Variants in GAS7 observed in about 807,000 individuals in gnomAD.
GAS7 encodes the protein growth arrest-specific protein 7.
Under a neutral mutation model 71.1 loss-of-function variants are expected in GAS7, and 28 were observed. That is an observed-to-expected ratio of 0.39 (90% CI 0.29 to 0.54). The LOEUF (loss-of-function observed/expected upper bound fraction) is 0.54. Ranked by LOEUF, GAS7 falls within the 20% of genes least tolerant of loss-of-function variation. The pLI, the probability that GAS7 is intolerant of heterozygous loss-of-function variation, is 0.62. For missense variants in GAS7, 436 were observed against 627.8 expected (o/e 0.69, Z 3.27); for synonymous variants, 258 against 245.8 (o/e 1.05, Z -0.46).
At chr17:10,053,562 A>T (rs2073092597) in intron 1 of GAS7, among the ~76,000 whole-genome samples, 1 of 152,264 alleles carries the variant, frequency 6.6e-6, no homozygotes, top group South Asian at 2.1e-4. Flanking sequence ...ATGGGAAGGG[A>T]GCCCAGGAAC....
At chr17:10,090,573 C>T (rs2073571563) in intron 1 of GAS7, among the ~76,000 whole-genome samples, 1 of 147,558 alleles carries the variant, frequency 6.8e-6, no homozygotes, top group South Asian at 2.1e-4. Flanking sequence ...CAAACTCCAT[C>T]ATGCTAGCCC....
chr17:10,017,016 A>T (rs1247529383), intron 2 of GAS7, among the ~76,000 whole-genome samples: 1 of 150,946 alleles, frequency 6.6e-6, no homozygotes, highest in African/African-American at 2.4e-5. Flanking sequence ...CTGCAATCCC[A>T]GCTACTCAGG....
At chr17:10,131,459 C>T (rs1381386566) in intron 1 of GAS7, among the ~76,000 whole-genome samples, 2 of 152,136 alleles carry the variant, frequency 1.3e-5, no homozygotes, top group Non-Finnish European at 2.9e-5. Context: ...CCTGTCTCTA[C>T]CAAAAATACA....
chr17:10,079,763 C>T (rs559247970), intron 1 of GAS7, among the ~76,000 whole-genome samples: 3 of 152,318 alleles, frequency 2.0e-5, no homozygotes, highest in South Asian at 2.1e-4. Context: ...GACTGTGACA[C>T]GGTCATGGTC....
At chr17:9,931,556 G>A (rs573320710) in intron 9 of GAS7, among the ~76,000 whole-genome samples, 4 of 152,324 alleles carry the variant, frequency 2.6e-5, no homozygotes, top group East Asian at 1.9e-4. Flanking sequence ...TGGGGGCCCC[G>A]ACAGGGGAAG....
At chr17:10,051,761 G>A (rs962985952) in intron 1 of GAS7, among the ~76,000 whole-genome samples, 3 of 152,102 alleles carry the variant, frequency 2.0e-5, no homozygotes, top group African/African-American at 7.2e-5. Context: ...CATGGGCAAG[G>A]GCACTCCAAG....
At chr17:10,119,341 G>A (rs2073887486) in intron 1 of GAS7, among the ~76,000 whole-genome samples, 1 of 152,216 alleles carries the variant, frequency 6.6e-6, no homozygotes, top group African/African-American at 2.4e-5. Context: ...CCTTCATTAA[G>A]TAGTTACTGA....
At chr17:9,982,861 G>GAAAGAAAGAAAGAAAGC (rs1555611388) in intron 2 of GAS7, among the ~76,000 whole-genome samples, 9 of 143,984 alleles carry the variant, frequency 6.3e-5, no homozygotes, top group South Asian at 4.5e-4. Flanking sequence ...AAGAAAGAAA[G>GAAAGAAAGAAAGAAAGC]AAAGAAAGCA....
chr17:10,039,448 G>A (rs923110188), intron 1 of GAS7, among the ~76,000 whole-genome samples: 2 of 152,068 alleles, frequency 1.3e-5, no homozygotes, highest in African/African-American at 2.4e-5. Context: ...TTGGAAGGCT[G>A]AGGTAGGTGG....
At position 9,926,032 on chromosome 17, in the gene GAS7, G is replaced by A. The variant is rs1376937500; in HGVS notation, c.1015-433C>T. Among the ~76,000 whole-genome samples the A allele has an allele frequency of 6.6e-6, 1 of 151,878 alleles. No individual in the cohort carries two copies. Among genetic ancestry groups the A allele is most frequent in the Non-Finnish European group, 1.5e-5 (1 of 67,988 alleles). ...CCTCGGCCCTCTTGTTCCCCTCACT[G>A]TACTGCCTTTCCTCCAGGCCACCAC... On this transcript the variant is annotated intron_variant, in intron 10 of 13. Transcript: ENST00000432992. The surrounding 1 kb of genome is among the most constrained non-coding windows in gnomAD (Gnocchi z 5.0).
chr17:10,059,917 G>A, intron 1 of GAS7: 4 of 568,352 alleles, frequency 7.0e-6, no homozygotes, highest in Non-Finnish European at 8.9e-6. Context: ...TCTGCAATCG[G>A]GAAAGCATGT....
intron 1 of GAS7, among the ~76,000 whole-genome samples, chr17:10,092,733 G>C (rs1373862517): frequency 6.6e-6 from 1 of 152,212 alleles, no homozygotes; most frequent in Non-Finnish European, 1.5e-5. Flanking sequence ...GCCCCCCTTG[G>C]AGGCTCTAGG....
rs2067738985 is a variant in GAS7, at chr17:9,919,969, T to TGTGTG, written c.1139-265_1139-264insCACAC. ...AGGATTCAGGATGGTGGTTCTCATTTTGTGTGTGTGTGTGTGTGTGTGTGT... is the reference window on the plus strand; with the variant it reads ...AGGATTCAGGATGGTGGTTCTCATTTGTGTGTGTGTGTGTGTGTGTGTGTGTGTGT... On this transcript the variant is annotated intron_variant, in intron 11 of 13. Coordinates refer to ENST00000432992, the MANE Select transcript of GAS7 (RefSeq NM_201433.2). The surrounding 1 kb of genome is among the most constrained non-coding windows in gnomAD (Gnocchi z 5.0). Among the ~76,000 whole-genome samples, 6 of 131,398 alleles carry TGTGTG rather than the reference T, an allele frequency of 4.6e-5. No individual in the cohort carries two copies. Among genetic ancestry groups the TGTGTG allele is most frequent in the East Asian group, 2.3e-4 (1 of 4,268 alleles). 86.2% of individuals were successfully genotyped at this position (131,398 alleles called of 152,430 possible).
At chr17:10,062,528 T>C (rs370155360) in intron 1 of GAS7, among the ~76,000 whole-genome samples, 1 of 152,188 alleles carries the variant, frequency 6.6e-6, no homozygotes, top group African/African-American at 2.4e-5. Flanking sequence ...CTACAACTGA[T>C]CGAGATATCA....
intron 11 of GAS7, among the ~76,000 whole-genome samples, chr17:9,922,646 G>A (rs1444246455): frequency 6.6e-6 from 1 of 152,138 alleles, no homozygotes; most frequent in Non-Finnish European, 1.5e-5. Context: ...CGTATTATCT[G>A]ATGACAATGC....
chr17:9,950,804 C>T (rs112098880), intron 5 of GAS7, among the ~76,000 whole-genome samples: 6,015 of 151,598 alleles, frequency 0.04, 308 homozygotes, highest in African/African-American at 0.1. Flanking sequence ...TGCAGTGAGC[C>T]GAGATCGCGC....
chr17:10,089,348 G>A (rs1008678108), intron 1 of GAS7, among the ~76,000 whole-genome samples: 4 of 152,024 alleles, frequency 2.6e-5, no homozygotes, highest in Admixed American at 1.3e-4. Context: ...ATGCAAGCCC[G>A]CAAATCTGGC....
intron 2 of GAS7, among the ~76,000 whole-genome samples, chr17:9,987,326 G>A (rs1266042426): frequency 6.6e-6 from 1 of 152,178 alleles, no homozygotes; most frequent in Non-Finnish European, 1.5e-5. Context: ...TTTTCCTAGT[G>A]GTAACTAGAA....
intron 1 of GAS7, among the ~76,000 whole-genome samples, chr17:10,126,302 C>A (rs2073945907): frequency 6.6e-6 from 1 of 152,078 alleles, no homozygotes; most frequent in Non-Finnish European, 1.5e-5. Context: ...ATCACATGCA[C>A]ATGAATGTGT....
Sources: gnomAD v4.1 joint callset for allele counts (sites outside exome capture counted in the v4.1 genomes callset) on GRCh38, gnomAD v4.1.1 for gene constraint, Gnocchi (gnomAD v3.1) non-coding constraint, MANE v1.5 for transcripts, NCBI Gene and HGNC (gene_info 2026-07-23, HGNC 2026-07-21) for gene names.